The following PKIA variants were observed in gnomAD, a reference collection of about 807,000 sequenced individuals.
PKIA encodes the protein cAMP-dependent protein kinase inhibitor alpha, also known as PKI-alpha.
Under a neutral mutation model 7.6 loss-of-function variants are expected in PKIA, and 4 were observed. That is an observed-to-expected ratio of 0.52 (90% CI 0.26 to 1.20). The LOEUF is 1.20. Among genes scored for constraint, PKIA ranks in the 50% most tolerant of loss-of-function variants. PKIA has a pLI of 0.13. For missense variants in PKIA, 73 were observed against 86.2 expected, an observed-to-expected ratio of 0.85 and a Z score of 0.61; for synonymous variants, 21 against 30.7, an observed-to-expected ratio of 0.68 and a Z score of 1.04.
intron 3 of PKIA, among the ~76,000 whole-genome samples, chr8:78,601,150 CAT>C (rs1013066471): frequency 6.6e-6 from 1 of 151,984 alleles, no homozygotes; most frequent in Admixed American, 6.6e-5. Context: ...GAATTGTGCA[CAT>C]GTTCTCTAAG....
intron 2 of PKIA, among the ~76,000 whole-genome samples, chr8:78,585,228 T>A (rs1807920916): frequency 6.6e-6 from 1 of 152,010 alleles, no homozygotes; most frequent in African/African-American, 2.4e-5. Context: ...CATTATATAT[T>A]TTATATATAT....
intron 1 of PKIA, among the ~76,000 whole-genome samples, chr8:78,529,448 TAAGTA>T (rs1806338463): frequency 6.6e-6 from 1 of 152,090 alleles, no homozygotes; most frequent in African/African-American, 2.4e-5. Context: ...CCACTTCACT[TAAGTA>T]AAAGAAAGTT....
intron 1 of PKIA, among the ~76,000 whole-genome samples, chr8:78,523,000 G>C (rs1809446080): frequency 2.0e-5 from 3 of 151,772 alleles, no homozygotes; most frequent in African/African-American, 7.3e-5. Flanking sequence ...AACAGAATTG[G>C]CAAGACTTTT....
intron 1 of PKIA, chr8:78,535,795 A>G (rs993372845): frequency 6.6e-6 from 1 of 152,176 alleles, no homozygotes; most frequent in Non-Finnish European, 1.5e-5. Flanking sequence ...AACTATTTAC[A>G]TCGCATTTAC....
chr8:78,572,618 A>T (rs1807579752), intron 1 of PKIA, among the ~76,000 whole-genome samples, 193 bp from the exon 2 acceptor site: 1 of 151,718 alleles, frequency 6.6e-6, no homozygotes, highest in African/African-American at 2.4e-5. Flanking sequence ...AGACTGCTTG[A>T]CTTGAAATCC....
Position 78,602,710 on chromosome 8 carries a change from TATA to T in PKIA, c.*890_*892del, listed in dbSNP as rs1808379980. 1 of 148,844 alleles carries T rather than the reference TATA, an allele frequency of 6.7e-6. No homozygotes were observed. The highest frequency in any genetic ancestry group is 2.5e-5 in the African/African-American group (1 of 40,736). The allele number at this position is 148,844 out of a possible 1,614,324, so 9.2% of individuals were successfully genotyped here. ...CTCCCACATAATATATATATATATATATATTTTAATTTATGAGAATTTTGGACA... is the reference window on the plus strand; with the variant it reads ...CTCCCACATAATATATATATATATATTTTTAATTTATGAGAATTTTGGACA... On this transcript the variant is annotated 3_prime_UTR_variant, in exon 4 of 4. Coordinates refer to ENST00000396418, the MANE Select transcript of PKIA (RefSeq NM_006823.4).
chr8:78,525,139 C>G (rs1237833655), intron 1 of PKIA, among the ~76,000 whole-genome samples: 1 of 151,424 alleles, frequency 6.6e-6, no homozygotes, highest in African/African-American at 2.4e-5. Context: ...GTAAGCAGTT[C>G]AAGACACTTA....
At chr8:78,530,487 T>G (rs796775986) in intron 1 of PKIA, among the ~76,000 whole-genome samples, 1 of 152,082 alleles carries the variant, frequency 6.6e-6, no homozygotes, top group Non-Finnish European at 1.5e-5. Context: ...AACCCAAAGA[T>G]GAACATGTTA....
At chr8:78,600,451 G>C (rs998690951) in intron 3 of PKIA, among the ~76,000 whole-genome samples, 2 of 152,096 alleles carry the variant, frequency 1.3e-5, no homozygotes, top group African/African-American at 4.8e-5. Flanking sequence ...CAGACATCTA[G>C]AGGGTCCCAA....
intron 1 of PKIA, among the ~76,000 whole-genome samples, chr8:78,553,737 ATTTT>A (rs10706008): frequency 2.8e-5 from 4 of 140,998 alleles, no homozygotes; most frequent in African/African-American, 5.2e-5. Context: ...AAACAACTGG[ATTTT>A]TTTTTTTTTT....
intron 1 of PKIA, among the ~76,000 whole-genome samples, chr8:78,524,060 A>G (rs71500595): frequency 0.032 from 2,624 of 81,714 alleles, 506 homozygotes; most frequent in African/African-American, 0.08. Context: ...ATATATAAAC[A>G]TTTATATTTA....
At chr8:78,531,388 A>G (rs1182749157) in intron 1 of PKIA, among the ~76,000 whole-genome samples, 1 of 152,116 alleles carries the variant, frequency 6.6e-6, no homozygotes, top group Non-Finnish European at 1.5e-5. Flanking sequence ...TTTTTCCTCC[A>G]TTTAGCTGAT....
intron 1 of PKIA, among the ~76,000 whole-genome samples, chr8:78,536,195 A>G (rs1806517724): frequency 1.3e-5 from 2 of 152,242 alleles, no homozygotes; most frequent in African/African-American, 4.8e-5. Context: ...TCCTATTACT[A>G]TTTAAAATTA....
At chr8:78,523,477 G>GT (rs1457035247) in intron 1 of PKIA, among the ~76,000 whole-genome samples, 1 of 151,522 alleles carries the variant, frequency 6.6e-6, no homozygotes, top group African/African-American at 2.4e-5. Flanking sequence ...AGAAGCAGCA[G>GT]TTTTTTGGTC....
intron 2 of PKIA, among the ~76,000 whole-genome samples, chr8:78,582,009 A>G (rs1053318458): frequency 6.6e-6 from 1 of 151,980 alleles, no homozygotes; most frequent in East Asian, 1.9e-4. Flanking sequence ...TAAGTGTGAG[A>G]TCATATTTTT....
At chr8:78,587,814 C>G (rs969281986) in intron 2 of PKIA, among the ~76,000 whole-genome samples, 11 of 152,114 alleles carry the variant, frequency 7.2e-5, no homozygotes, top group Non-Finnish European at 1.5e-4. Context: ...CTGTGTTTAT[C>G]TTCTTAAGTT....
At position 78,598,357 on chromosome 8, in the gene PKIA, G is replaced by A; in HGVS notation, c.-27-1G>A. On this transcript the variant is annotated splice_acceptor_variant, in intron 2 of 3. Transcript: ENST00000396418. LOFTEE classifies it low-confidence loss of function (5UTR_SPLICE). ...CCTATTAATTTTCCTTTCTTTTGTAGTCCCTGCTATGTGGATATTTGGTAG... is the reference window on the plus strand; with the variant it reads ...CCTATTAATTTTCCTTTCTTTTGTAATCCCTGCTATGTGGATATTTGGTAG... 1.3e-6 allele frequency: 2 copies of A among 1,582,788 alleles called. No homozygotes were observed. The highest frequency in any genetic ancestry group is 2.3e-5 in the South Asian group (2 of 87,936).
intron 1 of PKIA, among the ~76,000 whole-genome samples, chr8:78,543,242 G>C (rs1048745826): frequency 3.9e-5 from 6 of 152,180 alleles, no homozygotes; most frequent in Admixed American, 6.6e-5. Flanking sequence ...ATTCCTTGTA[G>C]CATTGCTTCT....
At chr8:78,561,601 G>A (rs569065782) in intron 1 of PKIA, among the ~76,000 whole-genome samples, 19 of 152,166 alleles carry the variant, frequency 1.2e-4, no homozygotes, top group East Asian at 7.7e-4. Flanking sequence ...TTGTACCCAC[G>A]TATGTATGAT....
Sources: gnomAD v4.1 joint callset for allele counts (sites outside exome capture counted in the v4.1 genomes callset) on GRCh38, gnomAD v4.1.1 for gene constraint, MANE v1.5 for transcripts, NCBI Gene and HGNC (gene_info 2026-07-23, HGNC 2026-07-21) for gene names.